The following CNTN4 variants were observed in gnomAD, a reference collection of about 807,000 sequenced individuals.
The protein encoded by CNTN4 is contactin-4.
CNTN4 carries 77 observed loss-of-function variants against 122.5 expected under a neutral mutation model. That is an observed-to-expected ratio of 0.63 (90% CI 0.52 to 0.76). The LOEUF (loss-of-function observed/expected upper bound fraction) is 0.76, where lower values mean the gene tolerates loss of function less well. Among genes scored for constraint, CNTN4 ranks in the 30% least tolerant of loss-of-function variants. The pLI, the probability that CNTN4 is intolerant of heterozygous loss-of-function variation, is 0.00. For missense variants in CNTN4, 1,256 were observed against 1,259.1 expected (o/e 1.00, Z 0.04); for synonymous variants, 512 against 447.0 (o/e 1.15, Z -1.83).
At chr3:2,594,216 T>A (rs2080646808) in intron 4 of CNTN4, among the ~76,000 whole-genome samples, 1 of 77,498 alleles carries the variant, frequency 1.3e-5, no homozygotes, top group Non-Finnish European at 2.5e-5. Context: ...TTGAACACAA[T>A]TTTGGAGAAA....
At chr3:2,174,762 G>A (rs2036676219) in intron 2 of CNTN4, among the ~76,000 whole-genome samples, 1 of 152,172 alleles carries the variant, frequency 6.6e-6, no homozygotes, top group African/African-American at 2.4e-5. Flanking sequence ...CATGGCATTG[G>A]CATCTGCTCA....
chr3:2,259,328 A>T (rs961957566), intron 2 of CNTN4, among the ~76,000 whole-genome samples: 3 of 152,196 alleles, frequency 2.0e-5, no homozygotes, highest in African/African-American at 7.2e-5. Flanking sequence ...CTGATGTTTT[A>T]TGAAGAGCTT....
intron 2 of CNTN4, among the ~76,000 whole-genome samples, chr3:2,257,699 CATTAGAGAAACGCA>C (rs1347902288): frequency 6.6e-6 from 1 of 152,148 alleles, no homozygotes; most frequent in Non-Finnish European, 1.5e-5. Flanking sequence ...CATCACTGGT[CATTAGAGAAACGCA>C]AATCAAAACC....
intron 2 of CNTN4, among the ~76,000 whole-genome samples, chr3:2,246,025 C>T (rs1260125197): frequency 6.6e-6 from 1 of 151,980 alleles, no homozygotes; most frequent in African/African-American, 2.4e-5. Flanking sequence ...CTGTCAGATG[C>T]TCTTAGATAA....
At chr3:2,828,718 A>T (rs2320940) in intron 7 of CNTN4, among the ~76,000 whole-genome samples, 88,810 of 151,390 alleles carry the variant, frequency 0.59, 26,354 homozygotes, top group African/African-American at 0.65. Flanking sequence ...TACCTTTTTT[A>T]AAAAAATCAG....
chr3:2,413,670 A>G (rs1307146489), intron 3 of CNTN4, among the ~76,000 whole-genome samples: 1 of 151,920 alleles, frequency 6.6e-6, no homozygotes, highest in African/African-American at 2.4e-5. Flanking sequence ...CAGCCTCCCA[A>G]GTAGCTGGGA....
intron 12 of CNTN4, among the ~76,000 whole-genome samples, chr3:2,906,522 A>G (rs1339649802): frequency 6.6e-6 from 1 of 152,182 alleles, no homozygotes; most frequent in Non-Finnish European, 1.5e-5. Flanking sequence ...TAAAGCATAT[A>G]TCGGAAAATT....
At chr3:2,262,392 C>T (rs778124258) in intron 2 of CNTN4, 41 of 152,040 alleles carry the variant, frequency 2.7e-4, no homozygotes, top group Admixed American at 2.3e-3. Context: ...TGGACTGTTT[C>T]GCAACTTTAC....
At chr3:2,710,486 C>A (rs116803574) in intron 4 of CNTN4, among the ~76,000 whole-genome samples, 304 of 152,174 alleles carry the variant, frequency 2.0e-3, no homozygotes, top group African/African-American at 7.0e-3. Context: ...GTAGTTATAA[C>A]CTGGTCTTTT....
intron 3 of CNTN4, among the ~76,000 whole-genome samples, chr3:2,533,652 G>T (rs948747899): frequency 6.6e-6 from 1 of 152,176 alleles, no homozygotes; most frequent in Non-Finnish European, 1.5e-5. Flanking sequence ...TATATACCCA[G>T]TAATGGGATG....
intron 2 of CNTN4, among the ~76,000 whole-genome samples, chr3:2,127,128 A>T (rs889304214): frequency 6.6e-6 from 1 of 152,030 alleles, no homozygotes; most frequent in African/African-American, 2.4e-5. Context: ...AGAAGCCTGG[A>T]TTGCTTAAGT....
At chr3:2,166,769 A>T (rs2036211060) in intron 2 of CNTN4, among the ~76,000 whole-genome samples, 2 of 152,078 alleles carry the variant, frequency 1.3e-5, no homozygotes, top group African/African-American at 4.8e-5. Flanking sequence ...GCTCTTAGAG[A>T]CCGTTTAGTC....
intron 3 of CNTN4, among the ~76,000 whole-genome samples, chr3:2,371,984 C>T (rs1453607199): frequency 2.6e-5 from 4 of 152,184 alleles, no homozygotes; most frequent in Non-Finnish European, 5.9e-5. Flanking sequence ...CATCTGATTA[C>T]TTTGTGCTGT....
chr3:3,037,589 C>T (rs746631870), intron 18 of CNTN4: 2 of 475,190 alleles, frequency 4.2e-6, no homozygotes, highest in East Asian at 4.0e-5. Flanking sequence ...AAAGCCAGCC[C>T]TTTCTTCATT....
chr3:2,164,479 C>T (rs957017221), intron 2 of CNTN4, among the ~76,000 whole-genome samples: 1 of 152,130 alleles, frequency 6.6e-6, no homozygotes, highest in African/African-American at 2.4e-5. Context: ...ATTACCATTT[C>T]CTCTAAGCCA....
intron 7 of CNTN4, among the ~76,000 whole-genome samples, chr3:2,832,986 A>G (rs966324163): frequency 6.6e-6 from 1 of 152,338 alleles, no homozygotes; most frequent in Middle Eastern, 3.4e-3. Context: ...CTACACTATC[A>G]TGATGACTTG....
At chr3:2,403,200 T>C (rs1261673994) in intron 3 of CNTN4, among the ~76,000 whole-genome samples, 2 of 152,102 alleles carry the variant, frequency 1.3e-5, no homozygotes, top group Non-Finnish European at 2.9e-5. Flanking sequence ...CCAGCCATAT[T>C]TGATTAGGGG....
At chr3:2,785,901 C>CCA (rs1461428968) in intron 6 of CNTN4, among the ~76,000 whole-genome samples, 1 of 128,794 alleles carries the variant, frequency 7.8e-6, no homozygotes, top group African/African-American at 2.8e-5. Context: ...CGCTGCCCCC[C>CCA]CCCGCCCCCC....
At chr3:2,182,893 G>A (rs751427917) in intron 2 of CNTN4, among the ~76,000 whole-genome samples, 11 of 151,314 alleles carry the variant, frequency 7.3e-5, no homozygotes, top group Non-Finnish European at 1.2e-4. Context: ...AACAGCAGGT[G>A]CTCTCTTCTT....
Sources: gnomAD v4.1 joint callset for allele counts (sites outside exome capture counted in the v4.1 genomes callset) on GRCh38, gnomAD v4.1.1 for gene constraint, MANE v1.5 for transcripts, NCBI Gene and HGNC (gene_info 2026-07-23, HGNC 2026-07-21) for gene names.